SPATA17: variants seen among roughly 807,000 people sequenced by gnomAD.
SPATA17 encodes the protein spermatogenesis associated 17.
A neutral mutation model predicts 62.2 loss-of-function variants in SPATA17; 53 were observed. The ratio of observed to expected loss-of-function variants is 0.85; its 90% confidence interval spans 0.68 to 1.07. SPATA17 has a LOEUF of 1.07. Among genes scored for constraint, SPATA17 ranks in the 50% least tolerant of loss-of-function variants. The pLI is 0.00. For synonymous variants in SPATA17, 146 were observed against 146.8 expected (o/e 0.99, Z 0.04); for missense variants, 466 against 425.5 (o/e 1.10, Z -0.84).
chr1:217,703,028 A>G (rs1341496232), intron 5 of SPATA17, among the ~76,000 whole-genome samples: 1 of 151,354 alleles, frequency 6.6e-6, no homozygotes, highest in African/African-American at 2.4e-5. Context: ...AAGCGCCCAC[A>G]CCATATCTGG....
chr1:217,850,937 G>C (rs1162022206), intron 9 of SPATA17, among the ~76,000 whole-genome samples: 1 of 152,052 alleles, frequency 6.6e-6, no homozygotes, highest in Non-Finnish European at 1.5e-5. Context: ...ATGCACCATA[G>C]GCATTCAGGG....
chr1:217,758,075 C>T (rs1215702896), intron 6 of SPATA17, among the ~76,000 whole-genome samples: 1 of 152,122 alleles, frequency 6.6e-6, no homozygotes, highest in Non-Finnish European at 1.5e-5. Flanking sequence ...TTATCAACAA[C>T]CTGATATTGT....
At chr1:217,798,839 T>C (rs1674222333) in intron 8 of SPATA17, among the ~76,000 whole-genome samples, 1 of 151,530 alleles carries the variant, frequency 6.6e-6, no homozygotes, top group Non-Finnish European at 1.5e-5. Context: ...TAGGAGACAA[T>C]ATAAGCACCC....
chr1:217,827,468 C>T (rs1675023014), intron 9 of SPATA17, among the ~76,000 whole-genome samples: 1 of 152,176 alleles, frequency 6.6e-6, no homozygotes, highest in Admixed American at 6.6e-5. Flanking sequence ...GACAACATGG[C>T]AATTCATCCA....
chr1:217,673,386 A>G (rs979632566), intron 4 of SPATA17, among the ~76,000 whole-genome samples: 8 of 152,148 alleles, frequency 5.3e-5, no homozygotes, highest in Non-Finnish European at 8.8e-5. Context: ...GTAAATTTTT[A>G]TCTTAGCTCC....
At chr1:217,858,169 T>A (rs916159335) in intron 9 of SPATA17, among the ~76,000 whole-genome samples, 4 of 152,198 alleles carry the variant, frequency 2.6e-5, no homozygotes, top group African/African-American at 9.7e-5. Context: ...ACATGGATAA[T>A]TTAACACAAA....
At chr1:217,789,555 T>C (rs1272452874) in intron 8 of SPATA17, among the ~76,000 whole-genome samples, 2 of 152,146 alleles carry the variant, frequency 1.3e-5, no homozygotes, top group African/African-American at 2.4e-5. Context: ...TAAGAGTTTT[T>C]AAAGGCAGGA....
chr1:217,775,656 C>T (rs1673569834), intron 7 of SPATA17, among the ~76,000 whole-genome samples: 3 of 151,904 alleles, frequency 2.0e-5, no homozygotes, highest in South Asian at 2.1e-4. Flanking sequence ...GAGCCGAGAT[C>T]GTGCCACTGC....
intron 5 of SPATA17, among the ~76,000 whole-genome samples, chr1:217,688,435 T>A (rs536957466): frequency 5.1e-4 from 77 of 152,324 alleles, no homozygotes; most frequent in African/African-American, 1.8e-3. Context: ...GTTTTGCCAT[T>A]CTTCAAAACA....
intron 3 of SPATA17, among the ~76,000 whole-genome samples, chr1:217,653,365 T>G (rs1670366651): frequency 6.6e-6 from 1 of 152,196 alleles, no homozygotes; most frequent in Non-Finnish European, 1.5e-5. Flanking sequence ...TAAGTGTAGA[T>G]ATTGGATTCA....
intron 5 of SPATA17, among the ~76,000 whole-genome samples, chr1:217,734,627 G>A (rs1285815456): frequency 6.6e-6 from 1 of 152,198 alleles, no homozygotes; most frequent in Non-Finnish European, 1.5e-5. Flanking sequence ...TTTTCTTAAA[G>A]ATGGTGCAGA....
At chr1:217,690,318 C>G (rs1289002475) in intron 5 of SPATA17, among the ~76,000 whole-genome samples, 2 of 152,038 alleles carry the variant, frequency 1.3e-5, no homozygotes, top group African/African-American at 4.8e-5. Context: ...TATTTTTAAA[C>G]TTTACTCTGG....
At chr1:217,775,641 G>A (rs1266689866) in intron 7 of SPATA17, among the ~76,000 whole-genome samples, 1 of 152,054 alleles carries the variant, frequency 6.6e-6, no homozygotes, top group East Asian at 1.9e-4. Context: ...GGCGGAGGTT[G>A]CAGTGAGCCG....
At chr1:217,739,283 G>T (rs1046698314) in intron 5 of SPATA17, among the ~76,000 whole-genome samples, 1 of 152,044 alleles carries the variant, frequency 6.6e-6, no homozygotes, top group African/African-American at 2.4e-5. Context: ...AAATATATTT[G>T]GCATAATATT....
intron 9 of SPATA17, among the ~76,000 whole-genome samples, chr1:217,844,133 C>T (rs766621890): frequency 1.3e-5 from 2 of 152,082 alleles, no homozygotes; most frequent in Non-Finnish European, 2.9e-5. Context: ...AGATTTTATC[C>T]CTCACAGCAA....
chr1:217,631,641 C>G (rs532803417), intron 1 of SPATA17, among the ~76,000 whole-genome samples, 195 bp downstream of exon 1: 2 of 152,190 alleles, frequency 1.3e-5, no homozygotes, highest in East Asian at 3.9e-4. Flanking sequence ...AGAGAGGGGC[C>G]GTAGATATTC....
intron 5 of SPATA17, among the ~76,000 whole-genome samples, chr1:217,710,860 C>G (rs1047771467): frequency 6.6e-6 from 1 of 152,130 alleles, no homozygotes; most frequent in Admixed American, 6.5e-5. Flanking sequence ...TTCTAGATAA[C>G]CACTAGTCTA....
rs1671138107 is a variant in SPATA17, at chr1:217,683,259, T to C, written c.293T>C (p.Ile98Thr). ...MNLYNAMAVRIQRRWRGYRVR... is the reference protein window; with the variant it reads ...MNLYNAMAVRTQRRWRGYRVR... Reference sequence around the variant, plus strand: ...TTATCTCTTTATTTACTTTAATAGATTCAGAGACGATGGCGAGGCTATAGG... The same window carrying C: ...TTATCTCTTTATTTACTTTAATAGACTCAGAGACGATGGCGAGGCTATAGG... Residue 98 changes from isoleucine to threonine, a missense_variant and splice_region_variant, in exon 5 of 11, where the codon ATT (isoleucine) becomes ACT (threonine). By Grantham distance (89) the Ile-to-Thr change is moderately conservative. Coordinates refer to ENST00000366933, the MANE Select transcript of SPATA17 (RefSeq NM_138796.4). 6.3e-6 allele frequency: 10 copies of C among 1,596,266 alleles called. No individual in the cohort carries two copies. Among genetic ancestry groups the C allele is most frequent in the Non-Finnish European group, 7.7e-6 (9 of 1,169,254 alleles).
At chr1:217,683,640 C>T (rs1671152361) in intron 5 of SPATA17, among the ~76,000 whole-genome samples, 1 of 152,102 alleles carries the variant, frequency 6.6e-6, no homozygotes, top group Admixed American at 6.6e-5. Flanking sequence ...CGGGGTTTCA[C>T]CATATTGGCC....
Sources: allele counts gnomAD v4.1 joint callset (sites outside exome capture counted in the v4.1 genomes callset), GRCh38; gene constraint gnomAD v4.1.1; transcripts MANE v1.5; gene names NCBI Gene and HGNC (gene_info 2026-07-23, HGNC 2026-07-21).